The following RBM39 variants were observed in gnomAD, a reference collection of about 807,000 sequenced individuals.
The protein encoded by RBM39 is RNA binding motif protein 39, also known as RNA-binding protein 39.
Under a neutral mutation model 79.6 loss-of-function variants are expected in RBM39, and 12 were observed. The ratio of observed to expected loss-of-function variants is 0.15; its 90% CI spans 0.10 to 0.24. The LOEUF is 0.24. Among genes scored for constraint, RBM39 ranks in the 10% least tolerant of loss-of-function variants. The probability of loss-of-function intolerance (pLI) is 1.00; values close to 1 mark genes in which losing one functional copy is unlikely to be tolerated. For synonymous variants in RBM39, 185 were observed against 208.4 expected (o/e 0.89, Z 0.97); for missense variants, 243 against 653.4 (o/e 0.37, Z 6.85).
At chr20:35,740,775 A>G in intron 2 of RBM39, 49 bp downstream of exon 2, 1 of 1,553,110 alleles carries the variant, frequency 6.4e-7, no homozygotes, top group Non-Finnish European at 8.8e-7. Flanking sequence ...TTTCGTGAAT[A>G]ATGCTAAATT....
In RBM39 at chr20:35,702,606, G is replaced by GC. The variant is rs1366508136; in HGVS notation, c.*1874dup. 6.6e-6 allele frequency: 1 copy of GC among 152,208 alleles called. No homozygotes were observed. The highest frequency in any genetic ancestry group is 1.9e-4 in the East Asian group (1 of 5,200). The allele number at this position is 152,208 out of a possible 1,614,324, so 9.4% of individuals were successfully genotyped here. A position where few individuals can be genotyped will look rare whatever the true frequency, so the allele number is the denominator to read the frequency against. On this transcript the variant is annotated 3_prime_UTR_variant, in exon 17 of 17. Coordinates refer to ENST00000253363, the MANE Select transcript of RBM39 (RefSeq NM_184234.3). ...AAGAGCACACTGACAGAGTGTCTCTGCCCCAAAGAACTCTGCAGTCTGGTA... is the reference window on the plus strand; with the variant it reads ...AAGAGCACACTGACAGAGTGTCTCTGCCCCCAAAGAACTCTGCAGTCTGGTA...
chr20:35,708,889 G>T, intron 13 of RBM39: 1 of 204,906 alleles, frequency 4.9e-6, no homozygotes, highest in Non-Finnish European at 1.0e-5. Flanking sequence ...TTGCCTACTC[G>T]TTAATAAGAG....
At chr20:35,707,246 A>G in intron 13 of RBM39, 45 bp from the exon 14 acceptor site, 2 of 1,401,572 alleles carry the variant, frequency 1.4e-6, no homozygotes, top group Non-Finnish European at 2.0e-6. Flanking sequence ...AAATGCATGA[A>G]AGTATCCCTC....
intron 3 of RBM39, among the ~76,000 whole-genome samples, chr20:35,735,916 T>G (rs1401211433): frequency 1.3e-5 from 2 of 152,200 alleles, no homozygotes; most frequent in African/African-American, 2.4e-5. Context: ...CATGGAGAAC[T>G]TGATGCTCAG....
Position 35,732,033 on chromosome 20 carries a change from G to A in RBM39, c.204C>T (p.Ser68=). ...SRDRERKKSK[S]RERKRSRSKE... ...TGCTTCTACTTCGCTTTCTTTCACG[G>A]CTTTTGCTCTTTTTCCTTTCTCTGT... Residue 68 remains serine, a synonymous_variant, in exon 4 of 17, where the codon AGC becomes AGT. Transcript: ENST00000253363. 6.2e-7 allele frequency: 1 copy of A among 1,613,920 alleles called. No individual in the cohort carries two copies. The highest frequency in any genetic ancestry group is 8.5e-7 in the Non-Finnish European group (1 of 1,180,000).
At chr20:35,738,503 T>TC (rs1488980915) in intron 3 of RBM39, among the ~76,000 whole-genome samples, 1 of 152,176 alleles carries the variant, frequency 6.6e-6, no homozygotes, top group East Asian at 1.9e-4. Context: ...TTCCATCACT[T>TC]CCAAAAGGGC....
rs755697247 is a variant in RBM39 at position 35,707,112 on chromosome 20, T to C, written c.1307+8A>G. 1.9e-6 allele frequency: 3 copies of C among 1,540,658 alleles called. No individual in the cohort carries two copies. The highest frequency in any genetic ancestry group is 2.7e-6 in the Non-Finnish European group (3 of 1,123,106). On this transcript the variant is annotated splice_region_variant and intron_variant, in intron 14 of 16. Coordinates refer to ENST00000253363, the MANE Select transcript of RBM39 (RefSeq NM_184234.3). Reference sequence around the variant, plus strand: ...TAGGAAATATCAAGAATAAAGTCCATTACTTACGTTTGAGGGTTAAACATG... The same window carrying C: ...TAGGAAATATCAAGAATAAAGTCCACTACTTACGTTTGAGGGTTAAACATG...
chr20:35,713,315 CTCTTT>C (rs965919650), intron 11 of RBM39: 139 of 415,496 alleles, frequency 3.3e-4, no homozygotes, highest in African/African-American at 2.6e-3. Flanking sequence ...TTGTGAAACT[CTCTTT>C]TTTTTTTGAG....
chr20:35,712,104 C>T (rs1426695387), intron 12 of RBM39, among the ~76,000 whole-genome samples: 4 of 151,950 alleles, frequency 2.6e-5, no homozygotes, highest in Non-Finnish European at 4.4e-5. Flanking sequence ...TCTAAAAGCA[C>T]GTCTTTGACA....
rs1042196607 is a variant in RBM39 at position 35,729,649 on chromosome 20, G to C, written c.297-122C>G. ...ACTGCTTTTCCACCTCAGTTATGAA[G>C]AGGAAACAAAAATACTTGTCTCTTA... On this transcript the variant is annotated intron_variant, in intron 4 of 16. Coordinates refer to ENST00000253363, the MANE Select transcript of RBM39 (RefSeq NM_184234.3). 12 of 852,366 alleles carry C rather than the reference G, an allele frequency of 1.4e-5. No individual in the cohort carries two copies. In the African/African-American group the frequency reaches 2.1e-4, roughly 15 times the overall value. 52.8% of individuals were successfully genotyped at this position (852,366 alleles called of 1,614,324 possible).
At chr20:35,728,518 C>T (rs2039010428) in intron 6 of RBM39, among the ~76,000 whole-genome samples, 1 of 152,142 alleles carries the variant, frequency 6.6e-6, no homozygotes, top group African/African-American at 2.4e-5. Context: ...GTGGCTCCTG[C>T]CTGTAATCCC....
At chr20:35,719,230 C>T (rs1465537443) in intron 9 of RBM39, among the ~76,000 whole-genome samples, 1 of 152,080 alleles carries the variant, frequency 6.6e-6, no homozygotes, top group Non-Finnish European at 1.5e-5. Flanking sequence ...AGAGGTTTCA[C>T]CATGCTGGCC....
intron 9 of RBM39, among the ~76,000 whole-genome samples, chr20:35,717,863 C>CTTTT (rs56755932): frequency 6.8e-6 from 1 of 146,756 alleles, no homozygotes; most frequent in East Asian, 2.0e-4. Flanking sequence ...AAGAAAGGAA[C>CTTTT]TTTTTTTTTT....
At chr20:35,731,742 G>C (rs1229106465) in intron 4 of RBM39, 199 bp downstream of exon 4, 6 of 610,702 alleles carry the variant, frequency 9.8e-6, no homozygotes, top group African/African-American at 9.2e-5. Context: ...AGTATGCCTA[G>C]TAAAAGCAAA....
intron 6 of RBM39, among the ~76,000 whole-genome samples, chr20:35,726,582 A>AATT (rs1242869353): frequency 6.6e-6 from 1 of 152,256 alleles, no homozygotes; most frequent in Non-Finnish European, 1.5e-5. Context: ...ATGTAATTGT[A>AATT]AAGTCAAATT....
intron 3 of RBM39, 29 bp from the exon 4 acceptor site, chr20:35,732,164 T>C (rs771920059): frequency 1.2e-6 from 2 of 1,609,506 alleles, no homozygotes; most frequent in South Asian, 1.1e-5. Context: ...GCCATTATCA[T>C]GCTGGCTTAA....
chr20:35,728,731 CCCA>C (rs2039035653), intron 6 of RBM39, among the ~76,000 whole-genome samples: 1 of 150,632 alleles, frequency 6.6e-6, no homozygotes, highest in African/African-American at 2.4e-5. Flanking sequence ...GAGCCGAGAT[CCCA>C]CCACTGCACT....
In RBM39 at chr20:35,703,548, A is replaced by C. The variant is rs569422299; in HGVS notation, c.*933T>G. ...GCAAGTACTGAATTGAGACTAAAAG[A>C]AGCTAATTCTGTTCTCAAATTTCTG... is the stretch of plus-strand genomic sequence containing the variant. On this transcript the variant is annotated 3_prime_UTR_variant, in exon 17 of 17. Coordinates refer to ENST00000253363, the MANE Select transcript of RBM39 (RefSeq NM_184234.3). The C allele has an allele frequency of 5.9e-5, 9 of 152,670 alleles. No individual in the cohort carries two copies. The highest frequency in any genetic ancestry group is 2.1e-4 in the South Asian group (1 of 4,830). The allele number at this position is 152,670 out of a possible 1,614,324, so 9.5% of individuals were successfully genotyped here. A position where few individuals can be genotyped will look rare whatever the true frequency, so the allele number is the denominator to read the frequency against.
At chr20:35,724,457 A>G in intron 8 of RBM39, 113 bp downstream of exon 8, 1 of 1,036,272 alleles carries the variant, frequency 9.6e-7, no homozygotes, top group Non-Finnish European at 1.3e-6. Flanking sequence ...AGTCCTGAAA[A>G]CATCCGACTC....
Sources: allele counts gnomAD v4.1 joint callset (sites outside exome capture counted in the v4.1 genomes callset), GRCh38; gene constraint gnomAD v4.1.1; transcripts MANE v1.5; gene names NCBI Gene and HGNC (gene_info 2026-07-23, HGNC 2026-07-21).